Variants in MAD1L1 observed in about 807,000 individuals in gnomAD.
MAD1L1 encodes the protein mitotic arrest deficient 1 like 1, also known as mitotic spindle assembly checkpoint protein MAD1.
A neutral mutation model predicts 96.9 loss-of-function variants in MAD1L1; 95 were observed. The observed-to-expected ratio is 0.98, with a 90% confidence interval of 0.83 to 1.16. The LOEUF (loss-of-function observed/expected upper bound fraction) is 1.16, where lower values mean the gene tolerates loss of function less well. MAD1L1 is among the 50% of genes most tolerant of loss of function. The pLI, the probability that MAD1L1 is intolerant of heterozygous loss-of-function variation, is 0.00. For synonymous variants in MAD1L1, 473 were observed against 396.6 expected (o/e 1.19, Z -2.29); for missense variants, 1,007 against 954.4 (o/e 1.06, Z -0.73).
chr7:2,160,233 CAAAA>C (rs528993860), intron 10 of MAD1L1, among the ~76,000 whole-genome samples: 1 of 109,402 alleles, frequency 9.1e-6, no homozygotes, highest in Admixed American at 9.7e-5. Context: ...TACCCTGTCT[CAAAA>C]AAAAAAAAAA....
At chr7:1,925,552 C>A (rs557155033) in intron 17 of MAD1L1, among the ~76,000 whole-genome samples, 2 of 152,304 alleles carry the variant, frequency 1.3e-5, no homozygotes, top group East Asian at 3.9e-4. Context: ...CTAACAGAAG[C>A]CCCTTTTACA....
intron 10 of MAD1L1, among the ~76,000 whole-genome samples, chr7:2,206,428 A>G (rs893429176): frequency 1.3e-5 from 2 of 152,144 alleles, no homozygotes; most frequent in African/African-American, 4.8e-5. Flanking sequence ...AGATTTTGTG[A>G]CTTTTACACA....
At chr7:2,151,943 C>T (rs1011935898) in intron 10 of MAD1L1, among the ~76,000 whole-genome samples, 8 of 152,168 alleles carry the variant, frequency 5.3e-5, no homozygotes, top group Admixed American at 2.6e-4. Flanking sequence ...ACTCTGGAGC[C>T]CCGGGGCATC....
intron 11 of MAD1L1, among the ~76,000 whole-genome samples, chr7:2,077,873 G>T (rs150278441): frequency 4.8e-4 from 73 of 152,368 alleles, no homozygotes; most frequent in African/African-American, 1.6e-3. Context: ...TGTACACAGA[G>T]CTGTGTTCAC....
chr7:2,042,278 C>T lies in MAD1L1; in HGVS notation c.1218+26916G>A, dbSNP rs533970814. ...ACACACATACGCACATGCACACACA[C>T]GCGCACATGGACACAGACACACGCA... is the stretch of plus-strand genomic sequence containing the variant. On this transcript the variant is annotated intron_variant, in intron 12 of 18. Transcript: ENST00000265854. Among the ~76,000 whole-genome samples, 9 of 133,732 alleles carry T rather than the reference C, an allele frequency of 6.7e-5. No individual in the cohort carries two copies. In the South Asian group the frequency reaches 1.1e-3, roughly 17 times the overall value. 87.7% of individuals were successfully genotyped at this position (133,732 alleles called of 152,430 possible).
At chr7:2,110,779 G>A (rs571190478) in intron 11 of MAD1L1, among the ~76,000 whole-genome samples, 3 of 152,102 alleles carry the variant, frequency 2.0e-5, no homozygotes, top group Non-Finnish European at 2.9e-5. Context: ...CCCCCAGTGC[G>A]GTCCGAGCAG....
intron 3 of MAD1L1, among the ~76,000 whole-genome samples, chr7:2,226,997 A>AC: frequency 6.6e-6 from 1 of 151,150 alleles, no homozygotes; most frequent in African/African-American, 2.4e-5. Context: ...AAAAAAAAAA[A>AC]AACAAAAGAA....
intron 18 of MAD1L1, among the ~76,000 whole-genome samples, chr7:1,897,620 C>T (rs1158335527): frequency 2.0e-5 from 3 of 152,248 alleles, no homozygotes; most frequent in Non-Finnish European, 4.4e-5. Flanking sequence ...GGACCCCGCT[C>T]GCCCGAGGAC....
intron 16 of MAD1L1, among the ~76,000 whole-genome samples, chr7:1,949,234 G>A (rs1345002624): frequency 1.3e-5 from 2 of 152,164 alleles, no homozygotes; most frequent in African/African-American, 4.8e-5. Context: ...CTGTAGAGTG[G>A]TGGCTATGGT....
rs1779775693 is a variant in MAD1L1, at chr7:1,957,496, G to A, written c.1596+133C>T. 4 of 873,578 alleles carry A rather than the reference G, an allele frequency of 4.6e-6. No individual in the cohort carries two copies. The South Asian group carries it at 6.5e-5, about 14-fold the overall frequency. 54.1% of individuals were successfully genotyped at this position (873,578 alleles called of 1,614,324 possible). A position where few individuals can be genotyped will look rare whatever the true frequency, so the allele number is the denominator to read the frequency against. On this transcript the variant is annotated intron_variant, in intron 16 of 18. Transcript: ENST00000265854. ...CCCTGCCAGGCAAGGGGGTGCACAT[G>A]GGAGGGAGGAGAGTTCAGACAGACG...
chr7:2,185,469 A>G (rs1791414662), intron 10 of MAD1L1, among the ~76,000 whole-genome samples: 3 of 152,186 alleles, frequency 2.0e-5, no homozygotes, highest in South Asian at 4.1e-4. Flanking sequence ...TTATATACAT[A>G]AGATCTGTCC....
Position 2,016,805 on chromosome 7 carries a change from G to A in MAD1L1, c.1219-2163C>T, listed in dbSNP as rs1014117933. On this transcript the variant is annotated intron_variant, in intron 12 of 18. Transcript: ENST00000265854. The stretch of plus-strand genomic sequence containing the variant: ...TTAAAGTTACAAATCCAACTAGAAC[G>A]GGTCACGTATCTGTGGAAAATTTGT... Among the ~76,000 whole-genome samples the A allele has an allele frequency of 4.6e-5, 7 of 152,378 alleles. No homozygotes were observed. In the East Asian group the frequency reaches 5.8e-4, roughly 13 times the overall value.
At position 1,880,175 on chromosome 7, in the gene MAD1L1, C is replaced by A. The variant is rs28406015; in HGVS notation, c.1998+18025G>T. Among the ~76,000 whole-genome samples the A allele has an allele frequency of 3.1e-3, 470 of 152,350 alleles. 1 individual carries two copies. The highest frequency in any genetic ancestry group is 0.011 in the African/African-American group (454 of 41,586). ...TGAGAACCGGACACACCTTCCGTAT[C>A]CTCACAGTGTTCCTAATCAGCACCC... On this transcript the variant is annotated intron_variant, in intron 18 of 18. Coordinates refer to ENST00000265854, the MANE Select transcript of MAD1L1 (RefSeq NM_001013836.2).
At chr7:1,950,745 C>T (rs1399283446) in intron 16 of MAD1L1, among the ~76,000 whole-genome samples, 1 of 152,198 alleles carries the variant, frequency 6.6e-6, no homozygotes, top group Non-Finnish European at 1.5e-5. Flanking sequence ...CTAGTGGGGC[C>T]GTTGGCAAAG....
At chr7:1,952,473 T>G (rs962814481) in intron 16 of MAD1L1, among the ~76,000 whole-genome samples, 4 of 152,236 alleles carry the variant, frequency 2.6e-5, no homozygotes, top group Admixed American at 2.0e-4. Context: ...CTCATCCGTC[T>G]GAACCATCAG....
intron 17 of MAD1L1, among the ~76,000 whole-genome samples, chr7:1,923,654 C>T (rs1483674447): frequency 6.6e-6 from 1 of 152,260 alleles, no homozygotes; most frequent in Admixed American, 6.5e-5. Context: ...GCCGTGAAGG[C>T]GGCTGTGGCC....
At chr7:2,226,052 A>T (rs1038715518) in intron 3 of MAD1L1, among the ~76,000 whole-genome samples, 1 of 152,056 alleles carries the variant, frequency 6.6e-6, no homozygotes, top group Non-Finnish European at 1.5e-5. Flanking sequence ...TCCAAAGTCA[A>T]CCACGTCCAA....
chr7:2,086,451 G>A (rs974460943), intron 11 of MAD1L1, among the ~76,000 whole-genome samples: 1 of 152,262 alleles, frequency 6.6e-6, no homozygotes, highest in African/African-American at 2.4e-5. Flanking sequence ...GCACGACAGA[G>A]ACAGCACAGC....
At chr7:1,975,911 C>CTAG (rs1701698900) in intron 15 of MAD1L1, among the ~76,000 whole-genome samples, 1 of 152,188 alleles carries the variant, frequency 6.6e-6, no homozygotes, top group Non-Finnish European at 1.5e-5. Context: ...AATTAGCAAG[C>CTAG]GTCTAACCAG....
Sources: allele counts gnomAD v4.1 joint callset (sites outside exome capture counted in the v4.1 genomes callset), GRCh38; gene constraint gnomAD v4.1.1; transcripts MANE v1.5; gene names NCBI Gene and HGNC (gene_info 2026-07-23, HGNC 2026-07-21).